RYR3: variants seen among roughly 807,000 people sequenced by gnomAD.
The protein encoded by RYR3 is ryanodine receptor 3.
Under a neutral mutation model 584.3 loss-of-function variants are expected in RYR3, and 207 were observed. The observed-to-expected ratio is 0.35, with a 90% CI of 0.32 to 0.40. The LOEUF (loss-of-function observed/expected upper bound fraction) is 0.40. Ranked by LOEUF, RYR3 falls within the 10% of genes least tolerant of loss-of-function variation. The pLI is 1.00. For synonymous variants in RYR3, 2,416 were observed against 2,248.5 expected (o/e 1.07, Z -2.11); for missense variants, 5,616 against 6,089.2 (o/e 0.92, Z 2.59).
At chr15:33,580,555 G>A (rs759590149) in intron 13 of RYR3, among the ~76,000 whole-genome samples, 1 of 152,186 alleles carries the variant, frequency 6.6e-6, no homozygotes, top group Admixed American at 6.5e-5. Context: ...CACAGAAGAC[G>A]CTGTCTTATG....
intron 1 of RYR3, among the ~76,000 whole-genome samples, chr15:33,438,659 T>A (rs2045939791): frequency 6.6e-6 from 1 of 152,220 alleles, no homozygotes; most frequent in Non-Finnish European, 1.5e-5. Flanking sequence ...ATTTATAGAT[T>A]AATTTGAGGA....
Position 33,480,978 on chromosome 15 carries a change from G to A in RYR3, c.171+7440G>A, listed in dbSNP as rs554010444. 1.6e-4 allele frequency among the ~76,000 whole-genome samples: 24 copies of A among 152,238 alleles called. No individual in the cohort carries two copies. In the East Asian group the frequency reaches 4.4e-3, roughly 28 times the overall value. On this transcript the variant is annotated intron_variant, in intron 2 of 103. Coordinates refer to ENST00000634891, the MANE Select transcript of RYR3 (RefSeq NM_001036.6). ...GTCTCTCTTTAGTTCTGTCACTTTT[G>A]TTTCATGTATGTTAAAGCTCTGTTA... is the stretch of plus-strand genomic sequence containing the variant.
intron 27 of RYR3, among the ~76,000 whole-genome samples, chr15:33,641,453 T>G (rs1375749276): frequency 1.3e-5 from 2 of 152,212 alleles, no homozygotes; most frequent in Non-Finnish European, 2.9e-5. Context: ...TTATCTGTCT[T>G]TCATGAAGAG....
chr15:33,369,580 A>ATCTGTCTG (rs372642829), intron 1 of RYR3, among the ~76,000 whole-genome samples: 6 of 151,660 alleles, frequency 4.0e-5, no homozygotes, highest in African/African-American at 1.5e-4. Context: ...TCATCTATCT[A>ATCTGTCTG]TCTGTCTGTC....
chr15:33,626,777 C>T (rs115087191), intron 20 of RYR3, among the ~76,000 whole-genome samples: 45 of 152,210 alleles, frequency 3.0e-4, no homozygotes, highest in Middle Eastern at 3.4e-3. Context: ...GGGTGCAAGC[C>T]CCAGGCCTTG....
chr15:33,715,108 T>C (rs2067399088), intron 43 of RYR3, among the ~76,000 whole-genome samples: 1 of 152,364 alleles, frequency 6.6e-6, no homozygotes, highest in South Asian at 2.1e-4. Flanking sequence ...ATGGATAGAC[T>C]GTTGTGCTGG....
chr15:33,505,444 C>G (rs940744495), intron 3 of RYR3, among the ~76,000 whole-genome samples: 2 of 152,170 alleles, frequency 1.3e-5, no homozygotes, highest in African/African-American at 4.8e-5. Flanking sequence ...CTTGCATTGA[C>G]CTCAGCATCT....
chr15:33,731,348 A>G, intron 47 of RYR3, 126 bp from the exon 48 acceptor site: 2 of 620,372 alleles, frequency 3.2e-6, no homozygotes, highest in Non-Finnish European at 5.8e-6. Context: ...AAAGTTGTTC[A>G]CTGCCTTGCT....
chr15:33,842,291 C>A (rs1021844565), intron 91 of RYR3, among the ~76,000 whole-genome samples: 2 of 152,210 alleles, frequency 1.3e-5, no homozygotes, highest in African/African-American at 4.8e-5. Context: ...TGTTTCCTTA[C>A]CAGGAGAGCA....
chr15:33,812,625 C>A (rs551255306), intron 72 of RYR3, among the ~76,000 whole-genome samples: 2 of 151,962 alleles, frequency 1.3e-5, no homozygotes, highest in African/African-American at 4.8e-5. Context: ...ATCCAAAATG[C>A]AACACAGAGA....
intron 93 of RYR3, among the ~76,000 whole-genome samples, chr15:33,846,390 T>C (rs574395683): frequency 6.6e-6 from 1 of 152,248 alleles, no homozygotes; most frequent in Non-Finnish European, 1.5e-5. Context: ...TGGGGCCATA[T>C]TCACAACCAC....
chr15:33,476,547 T>A (rs1239576490), intron 2 of RYR3, among the ~76,000 whole-genome samples: 2 of 152,256 alleles, frequency 1.3e-5, no homozygotes, highest in Admixed American at 1.3e-4. Context: ...ATTCTCTGTT[T>A]TGGGTTTTTT....
chr15:33,442,654 C>T lies in RYR3; in HGVS notation c.52-30765C>T, dbSNP rs1344126633. On this transcript the variant is annotated intron_variant, in intron 1 of 103. Transcript: ENST00000634891. The stretch of plus-strand genomic sequence containing the variant: ...GGTTGCACATGGCCTGAAAATGTCA[C>T]ATGTTGTTTATATGCCTTCCTCAAG... Among the ~76,000 whole-genome samples the T allele has an allele frequency of 2.6e-5, 4 of 152,196 alleles. No individual in the cohort carries two copies. In the South Asian group the frequency reaches 8.3e-4, roughly 32 times the overall value.
At chr15:33,718,599 A>G (rs925394030) in intron 43 of RYR3, among the ~76,000 whole-genome samples, 4 of 152,214 alleles carry the variant, frequency 2.6e-5, no homozygotes, top group Non-Finnish European at 5.9e-5. Flanking sequence ...CATCAAAAGA[A>G]TGGGAAGAAA....
chr15:33,423,832 A>G (rs2044411799), intron 1 of RYR3, among the ~76,000 whole-genome samples: 1 of 152,202 alleles, frequency 6.6e-6, no homozygotes, highest in South Asian at 2.1e-4. Context: ...ATAGAAAATA[A>G]TTGATTATAG....
At chr15:33,628,832 T>A (rs1460358394) in intron 21 of RYR3, among the ~76,000 whole-genome samples, 1 of 152,230 alleles carries the variant, frequency 6.6e-6, no homozygotes, top group South Asian at 2.1e-4. Context: ...AAAGTTGTCA[T>A]CTCTGTATGG....
chr15:33,865,264 A>G lies in RYR3; in HGVS notation c.*38A>G, dbSNP rs981981390. The G allele has an allele frequency of 6.9e-7, 1 of 1,455,374 alleles. No individual in the cohort carries two copies. Among genetic ancestry groups the G allele is most frequent in the Non-Finnish European group, 9.6e-7 (1 of 1,042,378 alleles). The allele number at this position is 1,455,374 out of a possible 1,614,324, so 90.2% of individuals were successfully genotyped here. ...GAAGCGCGACAATTCTGGACAGTCA[A>G]CTTCCCATGAAATAAAGTCCCCTTT... On this transcript the variant is annotated 3_prime_UTR_variant, in exon 104 of 104. Transcript: ENST00000634891.
At chr15:33,404,346 C>T (rs1464693609) in intron 1 of RYR3, among the ~76,000 whole-genome samples, 2 of 152,176 alleles carry the variant, frequency 1.3e-5, no homozygotes, top group Non-Finnish European at 2.9e-5. Flanking sequence ...TTCTTACCAA[C>T]TAAAAAATGG....
At chr15:33,352,523 C>G (rs928255625) in intron 1 of RYR3, among the ~76,000 whole-genome samples, 1 of 152,148 alleles carries the variant, frequency 6.6e-6, no homozygotes, top group African/African-American at 2.4e-5. Flanking sequence ...GTTGACTTAA[C>G]GAGATAGAAG....
Sources: allele counts gnomAD v4.1 joint callset (sites outside exome capture counted in the v4.1 genomes callset), GRCh38; gene constraint gnomAD v4.1.1; transcripts MANE v1.5; gene names NCBI Gene and HGNC (gene_info 2026-07-23, HGNC 2026-07-21).